SLC39A11: variants seen among roughly 807,000 people sequenced by gnomAD.
SLC39A11 encodes the protein zinc transporter ZIP11.
In SLC39A11, 33 loss-of-function variants were observed where a neutral mutation model predicts 36.1. That is an observed-to-expected ratio of 0.91 (90% confidence interval 0.69 to 1.22). SLC39A11 has a LOEUF of 1.22. Ranked by LOEUF, SLC39A11 falls within the 50% of genes most tolerant of loss-of-function variation. The pLI, the probability that SLC39A11 is intolerant of heterozygous loss-of-function variation, is 0.00. For synonymous variants in SLC39A11, 166 were observed against 170.3 expected, an observed-to-expected ratio of 0.97 and a Z score of 0.20; for missense variants, 432 against 430.3, an observed-to-expected ratio of 1.00 and a Z score of -0.03.
intron 5 of SLC39A11, among the ~76,000 whole-genome samples, chr17:72,875,171 A>T (rs958235046): frequency 5.3e-5 from 8 of 152,242 alleles, no homozygotes; most frequent in African/African-American, 1.4e-4. Flanking sequence ...GGAAGTCACA[A>T]GAAATGTAAG....
intron 7 of SLC39A11, among the ~76,000 whole-genome samples, chr17:72,695,547 G>T (rs1036534930): frequency 6.6e-6 from 1 of 152,226 alleles, no homozygotes; most frequent in Non-Finnish European, 1.5e-5. Flanking sequence ...AGAAGAGGGT[G>T]CAGAGGGTTG....
intron 6 of SLC39A11, among the ~76,000 whole-genome samples, chr17:72,803,434 C>T (rs2077158752): frequency 6.6e-6 from 1 of 152,244 alleles, no homozygotes; most frequent in South Asian, 2.1e-4. Context: ...TGAAATGCCA[C>T]ACGCAGGAGG....
chr17:72,695,422 C>T (rs534010999), intron 7 of SLC39A11, among the ~76,000 whole-genome samples: 10 of 152,312 alleles, frequency 6.6e-5, no homozygotes, highest in African/African-American at 2.4e-4. Context: ...GGGCGCTGCA[C>T]CCCCTGGGTG....
intron 7 of SLC39A11, among the ~76,000 whole-genome samples, chr17:72,723,513 C>T (rs1342898798): frequency 6.6e-6 from 1 of 152,198 alleles, no homozygotes; most frequent in African/African-American, 2.4e-5. Flanking sequence ...CATCACCCTA[C>T]ATGTGGATTG....
chr17:72,943,355 G>A (rs1297415749), intron 5 of SLC39A11, among the ~76,000 whole-genome samples: 1 of 152,218 alleles, frequency 6.6e-6, no homozygotes, highest in Admixed American at 6.5e-5. Flanking sequence ...AATGGCCAGT[G>A]ACTGCAGTTC....
chr17:72,656,505 A>C (rs1261965285), intron 7 of SLC39A11, among the ~76,000 whole-genome samples: 1 of 151,782 alleles, frequency 6.6e-6, no homozygotes, highest in Non-Finnish European at 1.5e-5. Flanking sequence ...GGAGAGAGGG[A>C]GCGTGGAAAG....
chr17:72,823,503 A>T (rs2077883390), intron 6 of SLC39A11: 1 of 151,256 alleles, frequency 6.6e-6, no homozygotes, highest in African/African-American at 2.4e-5. Context: ...CCCACGCTGC[A>T]TATGTTCCTA....
chr17:73,046,924 G>C (rs1301229703), intron 3 of SLC39A11, among the ~76,000 whole-genome samples: 1 of 152,092 alleles, frequency 6.6e-6, no homozygotes, highest in Non-Finnish European at 1.5e-5. Flanking sequence ...CTGAGCAACA[G>C]AGTGTGACCC....
chr17:72,947,718 G>C lies in SLC39A11; in HGVS notation c.430+34C>G, dbSNP rs779054478. 37 of 1,612,784 alleles carry C rather than the reference G, an allele frequency of 2.3e-5. No individual in the cohort carries two copies. The Admixed American group carries it at 6.0e-4, about 26-fold the overall frequency. On this transcript the variant is annotated intron_variant, in intron 5 of 9. Coordinates refer to ENST00000255559, the MANE Select transcript of SLC39A11 (RefSeq NM_139177.4). ...TGCCTGACTCAGCTCAGTGTCTGCA[G>C]CAAAGAGCTTGCCTGAAAGAAGCCC... is the stretch of plus-strand genomic sequence containing the variant.
intron 3 of SLC39A11, among the ~76,000 whole-genome samples, chr17:73,074,264 C>T (rs1010550697): frequency 7.2e-5 from 11 of 151,932 alleles, no homozygotes; most frequent in South Asian, 2.1e-4. Context: ...CAGGGGCCCT[C>T]CTGAAATATC....
At chr17:72,727,397 T>C (rs1035238061) in intron 7 of SLC39A11, among the ~76,000 whole-genome samples, 2 of 152,154 alleles carry the variant, frequency 1.3e-5, no homozygotes, top group African/African-American at 4.8e-5. Flanking sequence ...CTCACGCCTG[T>C]AATCCCAGCA....
At chr17:72,649,098 C>T in intron 8 of SLC39A11, 72 bp downstream of exon 8, 1 of 1,560,604 alleles carries the variant, frequency 6.4e-7, no homozygotes, top group Non-Finnish European at 8.8e-7. Flanking sequence ...TGCAAAAGCA[C>T]ATCACTGTTT....
chr17:72,999,965 C>T (rs1326180362), intron 4 of SLC39A11, among the ~76,000 whole-genome samples: 4 of 152,096 alleles, frequency 2.6e-5, no homozygotes, highest in African/African-American at 9.7e-5. Context: ...TGGTCTCGAA[C>T]TCCTGAGCTC....
At chr17:72,649,144 T>A in intron 8 of SLC39A11, 26 bp downstream of exon 8, 1 of 1,601,894 alleles carries the variant, frequency 6.2e-7, no homozygotes, top group South Asian at 1.1e-5. Flanking sequence ...TGCTGTGACA[T>A]GGCCTTGCCC....
intron 3 of SLC39A11, among the ~76,000 whole-genome samples, chr17:73,062,186 G>A (rs369206454): frequency 2.2e-4 from 34 of 151,638 alleles, no homozygotes; most frequent in East Asian, 1.8e-3. Flanking sequence ...GAGGCCGGGC[G>A]CAGTAGTTCA....
chr17:72,974,661 G>A (rs896263208), intron 4 of SLC39A11, among the ~76,000 whole-genome samples: 4 of 152,126 alleles, frequency 2.6e-5, no homozygotes, highest in African/African-American at 7.2e-5. Context: ...TATTTTGATT[G>A]CTTTAGTGTA....
At chr17:72,778,490 T>C (rs2144823658) in intron 6 of SLC39A11, among the ~76,000 whole-genome samples, 1 of 152,378 alleles carries the variant, frequency 6.6e-6, no homozygotes, top group East Asian at 1.9e-4. Context: ...GAAGTTGTTT[T>C]CAAAGGCAAT....
rs78942365 is a variant in SLC39A11 at position 72,687,620 on chromosome 17, G to A, written c.672-38352C>T. ...CCATAAACTGTAGAACTCTGTGGGA[G>A]GCTGTTTGAAAACCATTGCTGAAAA... On this transcript the variant is annotated intron_variant, in intron 7 of 9. Transcript: ENST00000255559. 3.9e-5 allele frequency among the ~76,000 whole-genome samples: 6 copies of A among 152,310 alleles called. No individual in the cohort carries two copies. The East Asian group carries it at 1.2e-3, about 29-fold the overall frequency.
chr17:73,069,818 T>C (rs1363699379), intron 3 of SLC39A11, among the ~76,000 whole-genome samples: 5 of 152,252 alleles, frequency 3.3e-5, no homozygotes, highest in South Asian at 4.1e-4. Context: ...AGAAAAATGA[T>C]GTCAGCTACT....
Sources: gnomAD v4.1 joint callset for allele counts (sites outside exome capture counted in the v4.1 genomes callset) on GRCh38, gnomAD v4.1.1 for gene constraint, MANE v1.5 for transcripts, NCBI Gene and HGNC (gene_info 2026-07-23, HGNC 2026-07-21) for gene names.